The following PCDHA2 variants were observed in gnomAD, a reference collection of about 807,000 sequenced individuals.
The protein encoded by PCDHA2 is protocadherin alpha-2.
A neutral mutation model predicts 66.0 loss-of-function variants in PCDHA2; 58 were observed. That is an observed-to-expected ratio of 0.88 (90% confidence interval 0.71 to 1.09). The LOEUF (loss-of-function observed/expected upper bound fraction) is 1.09, where lower values mean the gene tolerates loss of function less well. Ranked by LOEUF, PCDHA2 falls within the 50% of genes least tolerant of loss-of-function variation. The pLI, the probability that PCDHA2 is intolerant of heterozygous loss-of-function variation, is 0.00. For missense variants in PCDHA2, 1,267 were observed against 1,242.3 expected, an observed-to-expected ratio of 1.02 and a Z score of -0.30; for synonymous variants, 634 against 554.0, an observed-to-expected ratio of 1.14 and a Z score of -2.03.
intron 1 of PCDHA2, chr5:140,877,364 T>A: frequency 6.2e-7 from 1 of 1,613,948 alleles, no homozygotes; most frequent in Non-Finnish European, 8.5e-7. Context: ...ACTGGCGAGA[T>A]CAGCACGACA....
intron 1 of PCDHA2, chr5:140,805,243 T>A (rs1763533232): frequency 7.6e-7 from 1 of 1,318,374 alleles, no homozygotes. Flanking sequence ...TCCCCATCTG[T>A]ACATTAAAAT....
chr5:140,835,887 C>A (rs1554135389), intron 1 of PCDHA2: 1 of 1,611,780 alleles, frequency 6.2e-7, no homozygotes, highest in South Asian at 1.1e-5. Flanking sequence ...GGTGGGCGAG[C>A]GCGCGCTGTC....
intron 1 of PCDHA2, chr5:140,803,193 C>T (rs781991461): frequency 2.1e-5 from 34 of 1,613,902 alleles, no homozygotes; most frequent in Non-Finnish European, 2.9e-5. Context: ...GGCCACTGTG[C>T]TGGTGTCGCT....
chr5:140,841,203 T>C, intron 1 of PCDHA2: 1 of 1,324,274 alleles, frequency 7.6e-7, no homozygotes, highest in Non-Finnish European at 1.0e-6. Flanking sequence ...TCTGACAGCA[T>C]CTGTCTCTAA....
chr5:140,865,376 G>A (rs1554159396), intron 1 of PCDHA2: 1 of 152,162 alleles, frequency 6.6e-6, no homozygotes, highest in African/African-American at 2.4e-5. Context: ...CATGTTATAG[G>A]TAGGGTAAAG....
At chr5:140,823,223 C>A (rs1367836220) in intron 1 of PCDHA2, 3 of 1,613,554 alleles carry the variant, frequency 1.9e-6, no homozygotes, top group East Asian at 4.5e-5. Context: ...GACGCGGACG[C>A]GCAGGAGAAC....
rs2150424072 is a variant in PCDHA2, at chr5:140,848,906, A to C, written c.2388+51554A>C. 6 of 1,608,120 alleles carry C rather than the reference A, an allele frequency of 3.7e-6. No individual in the cohort carries two copies. In the East Asian group the frequency reaches 1.3e-4, roughly 36 times the overall value. On this transcript the variant is annotated intron_variant, in intron 1 of 3. Transcript: ENST00000526136. ...ACCCTCCAGTGTTCCCAGCGACACA[A>C]AAGAATCTGTTCATCGCGGAATCCA... is the stretch of plus-strand genomic sequence containing the variant.
At chr5:140,982,658 C>G (rs530615346) in intron 3 of PCDHA2, 95 bp downstream of exon 3, 2 of 1,487,730 alleles carry the variant, frequency 1.3e-6, no homozygotes, top group East Asian at 4.9e-5. Context: ...GGCTCTTTTT[C>G]TTTTATATTT....
At chr5:140,870,590 G>A (rs1238282556) in intron 1 of PCDHA2, 3 of 1,613,446 alleles carry the variant, frequency 1.9e-6, no homozygotes, top group Non-Finnish European at 2.5e-6. Flanking sequence ...CTGGTGGAGC[G>A]GCGGTTGGGC....
At chr5:140,863,712 G>A (rs2048130795) in intron 1 of PCDHA2, 1 of 282,034 alleles carries the variant, frequency 3.5e-6, no homozygotes, top group East Asian at 9.1e-5. Flanking sequence ...AAGTACACTG[G>A]GGCCGGGTGC....
intron 1 of PCDHA2, among the ~76,000 whole-genome samples, chr5:140,844,768 A>T (rs1393126027): frequency 6.7e-6 from 1 of 149,242 alleles, no homozygotes; most frequent in African/African-American, 2.5e-5. Context: ...AAAATCCAAG[A>T]TACTTTATTT....
intron 3 of PCDHA2, among the ~76,000 whole-genome samples, chr5:140,990,611 G>A (rs577900189): frequency 6.6e-6 from 1 of 152,116 alleles, no homozygotes; most frequent in Non-Finnish European, 1.5e-5. Context: ...GATGAATACC[G>A]TAAAGGTCTG....
intron 1 of PCDHA2, among the ~76,000 whole-genome samples, chr5:140,915,719 T>A (rs545655335): frequency 6.6e-6 from 1 of 151,956 alleles, no homozygotes; most frequent in African/African-American, 2.4e-5. Flanking sequence ...GCCCCCACTT[T>A]GGATTGTGCT....
chr5:140,993,509 C>CAT (rs1488940144), intron 3 of PCDHA2, among the ~76,000 whole-genome samples: 3 of 143,600 alleles, frequency 2.1e-5, no homozygotes, highest in African/African-American at 7.8e-5. Flanking sequence ...CACACACACA[C>CAT]GGGGAGAGAG....
rs1554181708 is a variant in PCDHA2, at chr5:140,884,544, G to C, written c.2388+87192G>C. 1.9e-6 allele frequency: 3 copies of C among 1,614,222 alleles called. No individual in the cohort carries two copies. In the Admixed American group the frequency reaches 5.0e-5, roughly 27 times the overall value. On this transcript the variant is annotated intron_variant, in intron 1 of 3. Coordinates refer to ENST00000526136, the MANE Select transcript of PCDHA2 (RefSeq NM_018905.3). Reference sequence around the variant, plus strand: ...TCGCAGCAGAGGCGGCCGAGGGTGTGCTCTGGGGAGGGCCCGCATAAGACG... The same window carrying C: ...TCGCAGCAGAGGCGGCCGAGGGTGTCCTCTGGGGAGGGCCCGCATAAGACG...
intron 1 of PCDHA2, among the ~76,000 whole-genome samples, chr5:140,895,496 T>A (rs1364776623): frequency 1.3e-5 from 2 of 152,216 alleles, no homozygotes; most frequent in African/African-American, 4.8e-5. Flanking sequence ...TATTCAGAAC[T>A]TTTGCCCAAT....
At chr5:140,995,557 A>G (rs1032736761) in intron 3 of PCDHA2, among the ~76,000 whole-genome samples, 2 of 152,252 alleles carry the variant, frequency 1.3e-5, no homozygotes, top group African/African-American at 2.4e-5. Flanking sequence ...ACTGTACTGA[A>G]TAATATGTCA....
intron 1 of PCDHA2, chr5:140,828,460 G>A: frequency 6.2e-7 from 1 of 1,614,278 alleles, no homozygotes; most frequent in Non-Finnish European, 8.5e-7. Flanking sequence ...ACGTGGAGGT[G>A]AGGGACATTA....
chr5:140,998,107 A>G (rs138517610), intron 3 of PCDHA2, among the ~76,000 whole-genome samples: 1 of 152,328 alleles, frequency 6.6e-6, no homozygotes, highest in Non-Finnish European at 1.5e-5. Flanking sequence ...AACAGAGGAG[A>G]AAATTTACTT....
Sources: gnomAD v4.1 joint callset for allele counts (sites outside exome capture counted in the v4.1 genomes callset) on GRCh38, gnomAD v4.1.1 for gene constraint, MANE v1.5 for transcripts, NCBI Gene and HGNC (gene_info 2026-07-23, HGNC 2026-07-21) for gene names.